ZNF215: variants seen among roughly 807,000 people sequenced by gnomAD.
ZNF215 encodes zinc finger protein 215.
In ZNF215, 24 loss-of-function variants were observed where a neutral mutation model predicts 27.2. The observed-to-expected ratio is 0.88, with a 90% confidence interval of 0.64 to 1.24. ZNF215 has a LOEUF of 1.24. Ranked by LOEUF, ZNF215 falls within the 50% of genes most tolerant of loss-of-function variation. The pLI, the probability that ZNF215 is intolerant of heterozygous loss-of-function variation, is 0.00. For synonymous variants in ZNF215, 210 were observed against 204.0 expected, an observed-to-expected ratio of 1.03 and a Z score of -0.25; for missense variants, 675 against 605.7, an observed-to-expected ratio of 1.11 and a Z score of -1.20.
rs776031541 is a variant in ZNF215 at position 6,943,075 on chromosome 11, T to C, written c.484-8T>C. 4 of 1,608,122 alleles carry C rather than the reference T, an allele frequency of 2.5e-6. No homozygotes were observed. Among genetic ancestry groups the C allele is most frequent in the Non-Finnish European group, 3.4e-6 (4 of 1,178,284 alleles). ...CACCTTTGATTAAAAAGGAACTTAA[T>C]GTTTTAGGAACCAGTGACATTCAAA... On this transcript the variant is annotated splice_region_variant and splice_polypyrimidine_tract_variant and intron_variant, in intron 4 of 6. Coordinates refer to ENST00000278319, the MANE Select transcript of ZNF215 (RefSeq NM_013250.4).
At chr11:6,943,420 C>A in intron 5 of ZNF215, 126 bp from the exon 6 acceptor site, 4 of 1,091,370 alleles carry the variant, frequency 3.7e-6, no homozygotes, top group Non-Finnish European at 5.3e-6. Flanking sequence ...GTCTATGGTG[C>A]TCTTCTGGCC....
At chr11:6,989,782 T>C (rs1225494828), downstream of ZNF215, among the ~76,000 whole-genome samples, 1 of 151,976 alleles carries the variant, frequency 6.6e-6, no homozygotes, top group African/African-American at 2.4e-5. Context: ...ACAAATCTGG[T>C]TCAATTTTTA....
At chr11:6,970,793 T>C (rs1471881067) in intron 5 of ZNF215, among the ~76,000 whole-genome samples, 1 of 152,210 alleles carries the variant, frequency 6.6e-6, no homozygotes, top group Non-Finnish European at 1.5e-5. Flanking sequence ...GCTCTGCTTC[T>C]TACTGAGCAC....
intron 2 of ZNF215, among the ~76,000 whole-genome samples, chr11:6,930,087 G>C (rs1590042613): frequency 7.0e-6 from 1 of 143,596 alleles, no homozygotes; most frequent in African/African-American, 2.6e-5. Context: ...CCCAATAAAT[G>C]TTTCAGTTTC....
intron 3 of ZNF215, among the ~76,000 whole-genome samples, chr11:6,938,578 A>G (rs996828243): frequency 1.3e-5 from 2 of 149,988 alleles, no homozygotes; most frequent in African/African-American, 4.9e-5. Flanking sequence ...CTGCCATAAA[A>G]AAGAATGAAG....
rs2133222135 is a variant in ZNF215 at position 6,943,398 on chromosome 11, A to C, written c.617-148A>C. On this transcript the variant is annotated intron_variant, in intron 5 of 6. Coordinates refer to ENST00000278319, the MANE Select transcript of ZNF215 (RefSeq NM_013250.4). ...TGAAAGTCCTTTCTGATATTGAGCC[A>C]GAGATACACAAGTCTATGGTGCTCT... 8 of 1,087,168 alleles carry C rather than the reference A, an allele frequency of 7.4e-6. No homozygotes were observed. The East Asian group carries it at 1.2e-4, about 17-fold the overall frequency. The allele number at this position is 1,087,168 out of a possible 1,614,324, so 67.3% of individuals were successfully genotyped here. A position where few individuals can be genotyped will look rare whatever the true frequency, so the allele number is the denominator to read the frequency against.
chr11:6,968,850 A>AGC (rs1732366483), intron 5 of ZNF215, among the ~76,000 whole-genome samples: 1 of 152,046 alleles, frequency 6.6e-6, no homozygotes, highest in African/African-American at 2.4e-5. Context: ...TGGGCAACAG[A>AGC]GCGAGACCCC....
intron 5 of ZNF215, among the ~76,000 whole-genome samples, chr11:6,979,221 T>C (rs887672323): frequency 3.3e-5 from 5 of 152,020 alleles, no homozygotes; most frequent in Admixed American, 3.3e-4. Flanking sequence ...AGTGACATAG[T>C]AGCAATACGG....
intron 5 of ZNF215, among the ~76,000 whole-genome samples, chr11:6,982,873 C>G (rs558169922): frequency 2.6e-5 from 4 of 151,856 alleles, no homozygotes; most frequent in East Asian, 3.9e-4. Context: ...CAAACACATT[C>G]AAAAGCTAGC....
At chr11:6,943,737 A>G in intron 6 of ZNF215, 96 bp downstream of exon 6, 3 of 980,242 alleles carry the variant, frequency 3.1e-6, no homozygotes, top group Admixed American at 2.2e-5. Flanking sequence ...TTAGTTGGGA[A>G]GGAGATAGCA....
chr11:6,955,527 G>A (rs74050239), intron 6 of ZNF215, among the ~76,000 whole-genome samples, 163 bp from the exon 7 acceptor site: 39 of 151,996 alleles, frequency 2.6e-4, no homozygotes, highest in African/African-American at 8.9e-4. Context: ...TAACATTTTT[G>A]TACCATTTAT....
At chr11:6,977,978 C>G (rs1014437703) in intron 5 of ZNF215, among the ~76,000 whole-genome samples, 15 of 152,184 alleles carry the variant, frequency 9.9e-5, no homozygotes, top group African/African-American at 3.1e-4. Flanking sequence ...ATCAGAGACT[C>G]AAATCCGGGA....
chr11:6,946,479 T>C (rs1849818753), intron 6 of ZNF215, among the ~76,000 whole-genome samples: 2 of 152,146 alleles, frequency 1.3e-5, no homozygotes. Context: ...CTCACAGGTG[T>C]TGGTGTGCAG....
chr11:6,960,442 C>T (rs74050241), downstream of ZNF215, among the ~76,000 whole-genome samples: 594 of 152,254 alleles, frequency 3.9e-3, 7 homozygotes, highest in African/African-American at 0.014. Context: ...AAAGGAGCTC[C>T]ATAACTCAGC....
downstream of ZNF215, among the ~76,000 whole-genome samples, chr11:6,989,795 T>A (rs1590092795): frequency 6.6e-6 from 1 of 152,314 alleles, no homozygotes; most frequent in African/African-American, 2.4e-5. Flanking sequence ...AATTTTTATG[T>A]AACAAGGTTG....
chr11:6,933,292 A>G (rs1849324598), intron 3 of ZNF215, among the ~76,000 whole-genome samples: 1 of 152,236 alleles, frequency 6.6e-6, no homozygotes, highest in African/African-American at 2.4e-5. Context: ...GGCCTGCATG[A>G]GTGGAATTTG....
intron 5 of ZNF215, among the ~76,000 whole-genome samples, chr11:6,973,268 T>C (rs1228447143): frequency 1.3e-5 from 2 of 152,210 alleles, no homozygotes; most frequent in African/African-American, 4.8e-5. Context: ...GGTGTATATG[T>C]GCCACATTTT....
At chr11:6,929,703 C>A (rs964399643) in intron 2 of ZNF215, among the ~76,000 whole-genome samples, 1 of 152,138 alleles carries the variant, frequency 6.6e-6, no homozygotes, top group African/African-American at 2.4e-5. Context: ...TGACTTATCG[C>A]TATTAATGTT....
At chr11:6,964,492 G>A (rs374672947) in intron 5 of ZNF215, among the ~76,000 whole-genome samples, 11 of 152,090 alleles carry the variant, frequency 7.2e-5, no homozygotes, top group African/African-American at 2.6e-4. Flanking sequence ...AGCAGTTTCT[G>A]TACTATTTGT....
Sources: allele counts gnomAD v4.1 joint callset (sites outside exome capture counted in the v4.1 genomes callset), GRCh38; gene constraint gnomAD v4.1.1; transcripts MANE v1.5; gene names NCBI Gene and HGNC (gene_info 2026-07-23, HGNC 2026-07-21).